Variants in SFSWAP observed in about 807,000 individuals in gnomAD.
SFSWAP encodes the protein splicing factor SWAP.
SFSWAP carries 17 observed loss-of-function variants against 100.7 expected under a neutral mutation model. The ratio of observed to expected loss-of-function variants is 0.17; its 90% CI spans 0.12 to 0.25. The LOEUF is 0.25. SFSWAP is among the 10% of genes least tolerant of loss of function. The pLI is 1.00. For synonymous variants in SFSWAP, 504 were observed against 510.1 expected, an observed-to-expected ratio of 0.99 and a Z score of 0.16; for missense variants, 1,005 against 1,262.6, an observed-to-expected ratio of 0.80 and a Z score of 3.09.
chr12:131,774,684 A>T (rs1883870727), intron 13 of SFSWAP, among the ~76,000 whole-genome samples: 1 of 152,244 alleles, frequency 6.6e-6, no homozygotes, highest in East Asian at 1.9e-4. Flanking sequence ...TGAAAAAAGC[A>T]GTAATGTCAA....
intron 3 of SFSWAP, among the ~76,000 whole-genome samples, chr12:131,717,871 C>G (rs1172318896): frequency 6.6e-6 from 1 of 152,222 alleles, no homozygotes; most frequent in Non-Finnish European, 1.5e-5. Flanking sequence ...GCTGGGATTA[C>G]AGGCGCCCGC....
rs757524012 is a variant in SFSWAP at position 131,778,364 on chromosome 12, T to C, written c.2408+34T>C. 3.8e-6 allele frequency: 6 copies of C among 1,598,796 alleles called. No homozygotes were observed. The Admixed American group carries it at 7.0e-5, about 19-fold the overall frequency. ...GAAGGGGGCAGCACCTCTGGTACCC[T>C]CATGACCCCCATGTCCTTCACAGGA... On this transcript the variant is annotated intron_variant, in intron 14 of 17. Transcript: ENST00000261674. This position sits in a 1 kb window ranked among gnomAD's most constrained non-coding sequence, Gnocchi z 4.2.
At chr12:131,761,323 G>A (rs1438926388) in intron 11 of SFSWAP, among the ~76,000 whole-genome samples, 1 of 152,222 alleles carries the variant, frequency 6.6e-6, no homozygotes, top group African/African-American at 2.4e-5. Flanking sequence ...GAAGATGGCG[G>A]GTTCACTCAG....
At position 131,778,084 on chromosome 12, in the gene SFSWAP, G is replaced by T. The variant is rs1884165680; in HGVS notation, c.2162G>T (p.Cys721Phe). The change falls in exon 14 of 18, where the codon TGC becomes TTC. Residue 721 changes from cysteine (C) to phenylalanine (F), a missense_variant. Around this residue, in one of 7 missense-constraint regions of SFSWAP, gnomAD observed 295 missense variants for 347.9 expected, o/e 0.85. Transcript: ENST00000261674. The surrounding 1 kb of genome is among the most constrained non-coding windows in gnomAD (Gnocchi z 4.2). ...FSVEESSTTP[C>F]PLLTGGRPLP... Reference sequence around the variant, plus strand: ...TCTTAGGAATCCAGCACTACGCCCTGCCCTCTACTGACTGGAGGCAGGCCT... The same window carrying T: ...TCTTAGGAATCCAGCACTACGCCCTTCCCTCTACTGACTGGAGGCAGGCCT... 5 of 1,612,938 alleles carry T rather than the reference G, an allele frequency of 3.1e-6. No homozygotes were observed. Among genetic ancestry groups the T allele is most frequent in the Non-Finnish European group, 4.2e-6 (5 of 1,179,768 alleles).
intron 8 of SFSWAP, 107 bp downstream of exon 8, chr12:131,753,470 G>A: frequency 7.2e-7 from 1 of 1,389,740 alleles, no homozygotes; most frequent in Non-Finnish European, 9.6e-7. Flanking sequence ...CATATACAGG[G>A]GTCCCCATTG....
At chr12:131,759,897 T>C (rs1262229727) in intron 11 of SFSWAP, among the ~76,000 whole-genome samples, 1 of 152,184 alleles carries the variant, frequency 6.6e-6, no homozygotes, top group Non-Finnish European at 1.5e-5. Context: ...GAAGACCTTC[T>C]AGTATAGTTT....
chr12:131,770,251 C>A (rs975466274), intron 13 of SFSWAP, among the ~76,000 whole-genome samples: 3 of 152,186 alleles, frequency 2.0e-5, no homozygotes, highest in African/African-American at 7.2e-5. Context: ...TTCTCGGAGT[C>A]CAGGAGGACT....
At chr12:131,786,424 C>T in intron 14 of SFSWAP, 39 bp from the exon 15 acceptor site, 1 of 1,560,924 alleles carries the variant, frequency 6.4e-7, no homozygotes, top group Non-Finnish European at 8.7e-7. Context: ...TCCCGCCAGC[C>T]AGGCCACAGA....
chr12:131,750,941 TG>T (rs1334092329), intron 7 of SFSWAP, among the ~76,000 whole-genome samples: 3 of 152,232 alleles, frequency 2.0e-5, no homozygotes, highest in Admixed American at 2.0e-4. Flanking sequence ...ACCAAAGTGC[TG>T]GGATTATAGG....
intron 15 of SFSWAP, chr12:131,796,870 A>G (rs1299459180): frequency 2.9e-5 from 8 of 278,616 alleles, no homozygotes; most frequent in Non-Finnish European, 5.3e-5. Flanking sequence ...TTGATGAAAC[A>G]TAAGTGGCAA....
intron 13 of SFSWAP, among the ~76,000 whole-genome samples, chr12:131,777,042 T>G (rs1280023395): frequency 1.3e-5 from 2 of 152,218 alleles, no homozygotes; most frequent in East Asian, 1.9e-4. Context: ...TAAAAATTAT[T>G]GTCAGAGTAG....
intron 7 of SFSWAP, among the ~76,000 whole-genome samples, chr12:131,748,850 T>A (rs1187972992): frequency 1.3e-5 from 2 of 152,232 alleles, no homozygotes; most frequent in African/African-American, 4.8e-5. Flanking sequence ...TTGGATTTAT[T>A]TGGAGTAGGC....
intron 15 of SFSWAP, among the ~76,000 whole-genome samples, chr12:131,793,859 C>T (rs1236665524): frequency 1.3e-5 from 2 of 152,070 alleles, no homozygotes; most frequent in Non-Finnish European, 2.9e-5. Context: ...ATGCAACCAA[C>T]GAGACAGGAC....
chr12:131,767,143 C>G (rs35957345), intron 13 of SFSWAP, among the ~76,000 whole-genome samples: 1 of 87,218 alleles, frequency 1.1e-5, no homozygotes, highest in African/African-American at 4.5e-5. Context: ...TGCTCCCATG[C>G]GTGTCCGAGA....
At chr12:131,777,384 C>A (rs1191610045) in intron 13 of SFSWAP, among the ~76,000 whole-genome samples, 1 of 152,120 alleles carries the variant, frequency 6.6e-6, no homozygotes, top group African/African-American at 2.4e-5. Flanking sequence ...TGAGTGAGAA[C>A]ATGCGGTGTT....
At chr12:131,751,111 T>C (rs1359636336) in intron 7 of SFSWAP, among the ~76,000 whole-genome samples, 2 of 152,188 alleles carry the variant, frequency 1.3e-5, no homozygotes, top group Non-Finnish European at 2.9e-5. Flanking sequence ...GAAGGTCATA[T>C]AGACTAACAG....
At chr12:131,797,410 C>A (rs1472926379) in intron 16 of SFSWAP, 50 bp downstream of exon 16, 1 of 1,492,842 alleles carries the variant, frequency 6.7e-7, no homozygotes, top group South Asian at 1.2e-5. Flanking sequence ...AAGGGGCGGC[C>A]AGCAGGACTC....
Position 131,714,013 on chromosome 12 carries a change from C to A in SFSWAP, c.219-58C>A. On this transcript the variant is annotated intron_variant, in intron 1 of 17. Coordinates refer to ENST00000261674, the MANE Select transcript of SFSWAP (RefSeq NM_004592.4). This position sits in a 1 kb window ranked among gnomAD's most constrained non-coding sequence, Gnocchi z 6.0. ...ATATATACATATATAAAACATCACACACGCACACCAGTCTAGACGTTAATT... is the reference window on the plus strand; with the variant it reads ...ATATATACATATATAAAACATCACAAACGCACACCAGTCTAGACGTTAATT... The A allele has an allele frequency of 1.5e-6, 2 of 1,301,062 alleles. No homozygotes were observed. The highest frequency in any genetic ancestry group is 2.6e-4 in the Middle Eastern group (1 of 3,840). 80.6% of individuals were successfully genotyped at this position (1,301,062 alleles called of 1,614,324 possible).
Position 131,714,715 on chromosome 12 carries a change from A to G in SFSWAP, c.389-107A>G. On this transcript the variant is annotated intron_variant, in intron 2 of 17. Coordinates refer to ENST00000261674, the MANE Select transcript of SFSWAP (RefSeq NM_004592.4). This position sits in a 1 kb window ranked among gnomAD's most constrained non-coding sequence, Gnocchi z 6.0. ...ACTATTTTACCTCAAAAGTAGGTTG[A>G]AAAAAGTATGTTGTATGCTTTACTG... 2.0e-6 allele frequency: 2 copies of G among 1,020,732 alleles called. No individual in the cohort carries two copies. The highest frequency in any genetic ancestry group is 1.6e-5 in the South Asian group (1 of 62,652). The allele number at this position is 1,020,732 out of a possible 1,614,324, so 63.2% of individuals were successfully genotyped here. A position where few individuals can be genotyped will look rare whatever the true frequency, so the allele number is the denominator to read the frequency against.
Sources: gnomAD v4.1 joint callset for allele counts (sites outside exome capture counted in the v4.1 genomes callset) on GRCh38, gnomAD v4.1.1 for gene constraint, gnomAD v4.1.1 regional missense constraint, Gnocchi (gnomAD v3.1) non-coding constraint, MANE v1.5 for transcripts, NCBI Gene and HGNC (gene_info 2026-07-23, HGNC 2026-07-21) for gene names.